Variants in AGBL4 observed in about 807,000 individuals in gnomAD.
The protein encoded by AGBL4 is cytosolic carboxypeptidase 6.
AGBL4 carries 58 observed loss-of-function variants against 66.4 expected under a neutral mutation model. The ratio of observed to expected loss-of-function variants is 0.87; its 90% CI spans 0.71 to 1.09. AGBL4 has a LOEUF of 1.09. Among genes scored for constraint, AGBL4 ranks in the 50% least tolerant of loss-of-function variants. The probability of loss-of-function intolerance (pLI) is 0.00; values close to 1 mark genes in which losing one functional copy is unlikely to be tolerated. For synonymous variants in AGBL4, 234 were observed against 222.9 expected, an observed-to-expected ratio of 1.05 and a Z score of -0.44; for missense variants, 579 against 631.0, an observed-to-expected ratio of 0.92 and a Z score of 0.88.
At chr1:49,522,476 T>C (rs1456710962) in intron 3 of AGBL4, among the ~76,000 whole-genome samples, 1 of 152,152 alleles carries the variant, frequency 6.6e-6, no homozygotes, top group South Asian at 2.1e-4. Context: ...GAATATTTGA[T>C]TAATATCTAC....
rs143995776 is a variant in AGBL4 at position 49,816,845 on chromosome 1, G to T, written c.157+34551C>A. Among the ~76,000 whole-genome samples, 144 of 152,300 alleles carry T rather than the reference G, an allele frequency of 9.5e-4. 2 individuals carry two copies. In the East Asian group the frequency reaches 0.025, roughly 26 times the overall value. On this transcript the variant is annotated intron_variant, in intron 2 of 13. Transcript: ENST00000371839. The stretch of plus-strand genomic sequence containing the variant: ...ATGGCTCAGAGATGAGGCAGACTGG[G>T]ATAGAAGTCAAAACCCATCAGTAGC...
At chr1:50,023,049 C>T (rs556916886) in intron 1 of AGBL4, among the ~76,000 whole-genome samples, 3 of 152,212 alleles carry the variant, frequency 2.0e-5, no homozygotes, top group South Asian at 2.1e-4. Context: ...TGGACATGCA[C>T]TCCTTTGATT....
intron 1 of AGBL4, among the ~76,000 whole-genome samples, chr1:49,880,508 T>C (rs947189356): frequency 2.0e-5 from 3 of 152,214 alleles, no homozygotes; most frequent in Admixed American, 2.0e-4. Context: ...GAGGAGGCAG[T>C]CTGCCCATTC....
intron 5 of AGBL4, among the ~76,000 whole-genome samples, chr1:48,976,566 T>C (rs183089482): frequency 1.3e-5 from 2 of 152,294 alleles, no homozygotes; most frequent in East Asian, 3.9e-4. Flanking sequence ...GAATGTCTTA[T>C]TTACCTATGG....
intron 3 of AGBL4, among the ~76,000 whole-genome samples, chr1:49,305,446 A>G (rs1644831811): frequency 6.6e-6 from 1 of 152,142 alleles, no homozygotes; most frequent in Admixed American, 6.6e-5. Flanking sequence ...CGAGTTTCAC[A>G]TGCCTCAAAT....
chr1:48,864,876 A>G (rs1341567244), intron 6 of AGBL4, among the ~76,000 whole-genome samples: 5 of 152,110 alleles, frequency 3.3e-5, no homozygotes, highest in Admixed American at 6.6e-5. Context: ...ACATGTTGAT[A>G]TGACAAAGCC....
chr1:48,956,965 T>G (rs1020126426), intron 5 of AGBL4, among the ~76,000 whole-genome samples: 1 of 152,182 alleles, frequency 6.6e-6, no homozygotes, highest in Admixed American at 6.5e-5. Flanking sequence ...TATCTAAAAA[T>G]AGACTAACAT....
At chr1:49,041,233 G>A (rs12028928) in intron 5 of AGBL4, among the ~76,000 whole-genome samples, 6,467 of 151,926 alleles carry the variant, frequency 0.043, 179 homozygotes, top group East Asian at 0.077. Flanking sequence ...TCCTCCCTTC[G>A]AATTGGAATA....
intron 2 of AGBL4, among the ~76,000 whole-genome samples, chr1:49,702,266 G>T (rs1201373246): frequency 7.2e-5 from 11 of 152,124 alleles, no homozygotes; most frequent in Admixed American, 6.5e-4. Context: ...GCCAAGGCAG[G>T]CAGATTACAA....
intron 1 of AGBL4, among the ~76,000 whole-genome samples, chr1:49,859,747 TA>T (rs1475356678): frequency 2.0e-5 from 3 of 152,072 alleles, no homozygotes; most frequent in African/African-American, 7.2e-5. Context: ...AACATCATCC[TA>T]AAGTTTCTAA....
intron 5 of AGBL4, among the ~76,000 whole-genome samples, chr1:48,878,997 A>G (rs1457895059): frequency 6.6e-6 from 1 of 152,144 alleles, no homozygotes; most frequent in Non-Finnish European, 1.5e-5. Flanking sequence ...TGCCAGCTTG[A>G]TTATGAGGAA....
intron 5 of AGBL4, among the ~76,000 whole-genome samples, chr1:48,875,953 A>G (rs1024946993): frequency 6.6e-6 from 1 of 152,144 alleles, no homozygotes; most frequent in African/African-American, 2.4e-5. Context: ...GGGATGAGGG[A>G]AAAATCTTGG....
intron 8 of AGBL4, among the ~76,000 whole-genome samples, chr1:48,642,821 A>C (rs1189885210): frequency 6.6e-6 from 1 of 152,116 alleles, no homozygotes; most frequent in Admixed American, 6.5e-5. Flanking sequence ...GGGGGCATAA[A>C]AGTCTTTCAT....
chr1:48,723,216 G>C (rs1647179247), intron 6 of AGBL4, among the ~76,000 whole-genome samples: 1 of 152,164 alleles, frequency 6.6e-6, no homozygotes, highest in African/African-American at 2.4e-5. Flanking sequence ...GAAACATTCT[G>C]TGTGGCTTGA....
chr1:49,356,068 T>C (rs541937567), intron 3 of AGBL4, among the ~76,000 whole-genome samples: 1 of 152,172 alleles, frequency 6.6e-6, no homozygotes, highest in Admixed American at 6.5e-5. Context: ...TATAAAAAAA[T>C]TTTGTCTCAT....
At chr1:49,673,726 G>A (rs1646525556) in intron 3 of AGBL4, among the ~76,000 whole-genome samples, 1 of 151,962 alleles carries the variant, frequency 6.6e-6, no homozygotes, top group Admixed American at 6.6e-5. Flanking sequence ...TCTGTTGACT[G>A]CTGCAGACAT....
intron 5 of AGBL4, among the ~76,000 whole-genome samples, chr1:48,958,121 G>A (rs1468057730): frequency 6.6e-6 from 1 of 152,022 alleles, no homozygotes; most frequent in Non-Finnish European, 1.5e-5. Flanking sequence ...GCCTCCCAAA[G>A]TGCTGGGATT....
chr1:48,692,677 C>A (rs1230133847), intron 6 of AGBL4, among the ~76,000 whole-genome samples: 1 of 152,138 alleles, frequency 6.6e-6, no homozygotes, highest in Admixed American at 6.5e-5. Context: ...TACAGGTGAT[C>A]CAGGGGTGAT....
chr1:49,551,169 A>C (rs1652921792), intron 3 of AGBL4, among the ~76,000 whole-genome samples: 1 of 151,814 alleles, frequency 6.6e-6, no homozygotes, highest in Non-Finnish European at 1.5e-5. Flanking sequence ...TAAGCTATAT[A>C]TTTTCTTGAA....
Sources: allele counts gnomAD v4.1 joint callset (sites outside exome capture counted in the v4.1 genomes callset), GRCh38; gene constraint gnomAD v4.1.1; transcripts MANE v1.5; gene names NCBI Gene and HGNC (gene_info 2026-07-23, HGNC 2026-07-21).